Variants in RRM2 observed in about 807,000 individuals in gnomAD.
RRM2 encodes the protein ribonucleoside-diphosphate reductase subunit M2.
Under a neutral mutation model 45.9 loss-of-function variants are expected in RRM2, and 6 were observed. The observed-to-expected ratio is 0.13, with a 90% CI of 0.07 to 0.26. The LOEUF is 0.26. Among genes scored for constraint, RRM2 ranks in the 10% least tolerant of loss-of-function variants. RRM2 has a pLI of 1.00. For missense variants in RRM2, 343 were observed against 489.5 expected, an observed-to-expected ratio of 0.70 and a Z score of 2.82; for synonymous variants, 177 against 173.0, an observed-to-expected ratio of 1.02 and a Z score of -0.18.
At chr2:10,140,955 G>C (rs1663067637), upstream of RRM2, among the ~76,000 whole-genome samples, 4 of 152,216 alleles carry the variant, frequency 2.6e-5, no homozygotes, top group Admixed American at 2.0e-4. Flanking sequence ...CTCTGGACCA[G>C]GGTTAGGAGG....
intron 3 of RRM2, among the ~76,000 whole-genome samples, chr2:10,173,755 T>A (rs1221418083): frequency 6.6e-6 from 1 of 152,190 alleles, no homozygotes; most frequent in Non-Finnish European, 1.5e-5. Context: ...ATAACCCAGT[T>A]CAGTGAAATT....
chr2:10,166,905 A>G (rs950421394), intron 3 of RRM2, among the ~76,000 whole-genome samples: 2 of 152,160 alleles, frequency 1.3e-5, no homozygotes, highest in East Asian at 1.9e-4. Flanking sequence ...GAGCGTGGCA[A>G]TGGGTCACCA....
At chr2:10,153,248 C>T (rs1209881229) in intron 3 of RRM2, among the ~76,000 whole-genome samples, 1 of 152,104 alleles carries the variant, frequency 6.6e-6, no homozygotes, top group Admixed American at 6.5e-5. Flanking sequence ...GAAGGAGAAT[C>T]ACTTGAATCT....
At chr2:10,140,671 G>A (rs544554311), upstream of RRM2, among the ~76,000 whole-genome samples, 4 of 152,288 alleles carry the variant, frequency 2.6e-5, no homozygotes, top group South Asian at 6.2e-4. Context: ...ATAGCAGAAC[G>A]TAAAGTTATG....
At chr2:10,150,648 C>T (rs1053378882) in intron 3 of RRM2, among the ~76,000 whole-genome samples, 3 of 151,992 alleles carry the variant, frequency 2.0e-5, no homozygotes, top group Non-Finnish European at 2.9e-5. Context: ...TCCTGTCACC[C>T]TCCACAGCTT....
chr2:10,174,003 G>C (rs1182004802), intron 3 of RRM2, among the ~76,000 whole-genome samples: 1 of 152,182 alleles, frequency 6.6e-6, no homozygotes, highest in Non-Finnish European at 1.5e-5. Flanking sequence ...TTCACATGTT[G>C]AGGCCCAAAC....
chr2:10,188,546 C>A (rs964075403), intron 3 of RRM2, among the ~76,000 whole-genome samples: 1 of 152,160 alleles, frequency 6.6e-6, no homozygotes, highest in African/African-American at 2.4e-5. Context: ...CCTTAAAGAC[C>A]TCATCTCCAA....
intron 3 of RRM2, among the ~76,000 whole-genome samples, chr2:10,167,156 G>A (rs1474118667): frequency 6.6e-6 from 1 of 152,194 alleles, no homozygotes; most frequent in Non-Finnish European, 1.5e-5. Flanking sequence ...CCCCTGCGTG[G>A]CACCCTCCTG....
Position 10,127,565 on chromosome 2 carries a change from C to T in RRM2, c.798+345C>T, listed in dbSNP as rs940273478. ...TCTTGGCTCACTGCAACCTCTGCCT[C>T]CTAGGTTCAAGTGATTCTCCCGCCT... is the stretch of plus-strand genomic sequence containing the variant. On this transcript the variant is annotated intron_variant, in intron 7 of 9. Transcript: ENST00000304567. The surrounding 1 kb of genome is among the most constrained non-coding windows in gnomAD (Gnocchi z 4.1). Among the ~76,000 whole-genome samples the T allele has an allele frequency of 2.6e-5, 4 of 152,114 alleles. No homozygotes were observed. Among genetic ancestry groups the T allele is most frequent in the African/African-American group, 9.7e-5 (4 of 41,418 alleles).
chr2:10,141,587 G>A, exon 1 of RRM2: 1 of 475,906 alleles, frequency 2.1e-6, no homozygotes, highest in Non-Finnish European at 3.8e-6. Context: ...CCTGGTGTCT[G>A]GTCTTGGAGT....
intron 3 of RRM2, among the ~76,000 whole-genome samples, chr2:10,207,068 C>CT (rs1238511989): frequency 6.6e-6 from 1 of 152,236 alleles, no homozygotes; most frequent in Non-Finnish European, 1.5e-5. Context: ...GCGACTCAAA[C>CT]TCAGTATGTC....
intron 3 of RRM2, among the ~76,000 whole-genome samples, chr2:10,159,307 C>G (rs1225089572): frequency 2.0e-5 from 3 of 152,226 alleles, no homozygotes; most frequent in Admixed American, 2.0e-4. Flanking sequence ...GAGGAGGTGA[C>G]ACCAGCATTT....
chr2:10,194,359 G>A (rs762631838), intron 3 of RRM2, among the ~76,000 whole-genome samples: 2 of 152,202 alleles, frequency 1.3e-5, no homozygotes, highest in African/African-American at 2.4e-5. Flanking sequence ...GGGGCTCTGG[G>A]GGTAAGGCCT....
In RRM2 at chr2:10,169,023, A is replaced by G. The variant is rs545993464; in HGVS notation, n.482+26648A>G. The stretch of plus-strand genomic sequence containing the variant: ...GGTCTTGCTCTGTCACCCAGGCTGG[A>G]GTGCAGTGGTACAATCACAGCTCAC... On this transcript the variant is annotated intron_variant and non_coding_transcript_variant, in intron 3 of 3. Transcript: ENST00000381786. This position sits in a 1 kb window ranked among gnomAD's most constrained non-coding sequence, Gnocchi z 5.1. Among the ~76,000 whole-genome samples, 81 of 152,210 alleles carry G rather than the reference A, an allele frequency of 5.3e-4. No individual in the cohort carries two copies. Among genetic ancestry groups the G allele is most frequent in the Non-Finnish European group, 1.1e-3 (73 of 68,018 alleles).
At chr2:10,122,726 T>C (rs1558378352), upstream of RRM2, 1 of 1,551,068 alleles carries the variant, frequency 6.4e-7, no homozygotes, top group South Asian at 1.2e-5. Context: ...GCTGCTGGAG[T>C]GAGGGGTCGC....
Position 10,123,076 on chromosome 2 carries a change from G to A in RRM2, c.174+19G>A. The stretch of plus-strand genomic sequence containing the variant: ...GGAGCCGGTGAGTGGCGGGCGTGGG[G>A]CAGAGGGGCCAGGGACGGCCTTGGG... On this transcript the variant is annotated intron_variant, in intron 2 of 9. Transcript: ENST00000304567. The A allele has an allele frequency of 1.3e-6, 2 of 1,540,912 alleles. No homozygotes were observed. Among genetic ancestry groups the A allele is most frequent in the Middle Eastern group, 2.2e-4 (1 of 4,616 alleles).
exon 1 of RRM2, chr2:10,141,478 C>A: frequency 3.7e-6 from 1 of 266,934 alleles, no homozygotes; most frequent in Non-Finnish European, 7.3e-6. Flanking sequence ...CGTGGGTGTG[C>A]ATCTTCTGCT....
intron 5 of RRM2, 83 bp downstream of exon 5, chr2:10,124,933 A>G (rs770650050): frequency 2.7e-5 from 36 of 1,320,670 alleles, no homozygotes; most frequent in Admixed American, 4.0e-5. Context: ...CCTAGGGATA[A>G]AAATGACTCC....
In RRM2 at chr2:10,129,438, A is replaced by G; in HGVS notation, c.*52A>G. 6.4e-7 allele frequency: 1 copy of G among 1,556,744 alleles called. No homozygotes were observed. The highest frequency in any genetic ancestry group is 8.7e-7 in the Non-Finnish European group (1 of 1,152,444). ...GCTGATTTTTTTTTTCCATCTCATA[A>G]GAAAAATCAGCTGAAGTGTTACCAA... is the stretch of plus-strand genomic sequence containing the variant. On this transcript the variant is annotated 3_prime_UTR_variant, in exon 10 of 10. Coordinates refer to ENST00000304567, the MANE Select transcript of RRM2 (RefSeq NM_001034.4). This position sits in a 1 kb window ranked among gnomAD's most constrained non-coding sequence, Gnocchi z 4.8.
Sources: allele counts gnomAD v4.1 joint callset (sites outside exome capture counted in the v4.1 genomes callset), GRCh38; gene constraint gnomAD v4.1.1; non-coding constraint Gnocchi (gnomAD v3.1); transcripts MANE v1.5; gene names NCBI Gene and HGNC (gene_info 2026-07-23, HGNC 2026-07-21).